The following POLR2F variants were observed in gnomAD, a reference collection of about 807,000 sequenced individuals.
The protein encoded by POLR2F is DNA-directed RNA polymerases I, II, and III subunit RPABC2.
A neutral mutation model predicts 22.7 loss-of-function variants in POLR2F; 12 were observed. The observed-to-expected ratio is 0.53, with a 90% CI of 0.34 to 0.86. The LOEUF (loss-of-function observed/expected upper bound fraction) is 0.86, where lower values mean the gene tolerates loss of function less well. POLR2F is among the 40% of genes least tolerant of loss of function. The pLI, the probability that POLR2F is intolerant of heterozygous loss-of-function variation, is 0.02. For synonymous variants in POLR2F, 57 were observed against 66.0 expected (o/e 0.86, Z 0.66); for missense variants, 126 against 171.5 (o/e 0.73, Z 1.48).
At chr22:37,987,362 A>G (rs1238201205) in intron 1 of POLR2F, 1 of 450,906 alleles carries the variant, frequency 2.2e-6, no homozygotes, top group Non-Finnish European at 4.5e-6. Flanking sequence ...TCAAACGTGA[A>G]GCCCACTGAT....
intron 5 of POLR2F, chr22:38,033,280 C>CG: frequency 6.6e-6 from 1 of 152,168 alleles, no homozygotes; most frequent in Non-Finnish European, 1.5e-5. Context: ...TTCAGGTGGA[C>CG]GGGGCATGGC....
intron 1 of POLR2F, among the ~76,000 whole-genome samples, chr22:38,007,687 C>T (rs910272654): frequency 1.2e-4 from 19 of 152,212 alleles, no homozygotes; most frequent in African/African-American, 4.6e-4. Context: ...CTTGCCTGGG[C>T]CCATCAGCAG....
chr22:37,968,432 A>G lies in POLR2F; in HGVS notation c.*717A>G, dbSNP rs1931943641. 1.0e-6 allele frequency: 1 copy of G among 985,614 alleles called. No homozygotes were observed. The highest frequency in any genetic ancestry group is 4.7e-5 in the South Asian group (1 of 21,294). The allele number at this position is 985,614 out of a possible 1,614,324, so 61.1% of individuals were successfully genotyped here. A position where few individuals can be genotyped will look rare whatever the true frequency, so the allele number is the denominator to read the frequency against. On this transcript the variant is annotated 3_prime_UTR_variant, in exon 5 of 5. Coordinates refer to ENST00000442738, the MANE Select transcript of POLR2F (RefSeq NM_021974.5). ...CCCATGCCTTCTTCCTAGCCTCTAT[A>G]AGATATCCTTTCCCTCCTATTTGGG...
intron 2 of POLR2F, 99 bp from the exon 3 acceptor site, chr22:37,959,247 G>A (rs1294147558): frequency 1.2e-5 from 15 of 1,240,450 alleles, no homozygotes; most frequent in East Asian, 9.3e-5. Context: ...AAGCATTAAC[G>A]GTGGCTGTAG....
At chr22:37,955,204 T>C (rs1931326148) in intron 1 of POLR2F, among the ~76,000 whole-genome samples, 1 of 101,232 alleles carries the variant, frequency 9.9e-6, no homozygotes, top group East Asian at 2.2e-4. Flanking sequence ...GAAATAAGGG[T>C]TTTTTTTTTT....
intron 1 of POLR2F, among the ~76,000 whole-genome samples, chr22:37,996,727 A>AC: frequency 6.6e-6 from 1 of 152,326 alleles, no homozygotes; most frequent in South Asian, 2.1e-4. Flanking sequence ...GGTGGGGCAC[A>AC]GCCCCTCTCT....
At chr22:38,024,377 G>A (rs1182052457) in intron 1 of POLR2F, among the ~76,000 whole-genome samples, 1 of 152,140 alleles carries the variant, frequency 6.6e-6, no homozygotes. Context: ...GGGCTATTAC[G>A]AATGATGCTG....
intron 5 of POLR2F, chr22:38,041,050 C>T (rs757697158): frequency 1.2e-6 from 2 of 1,612,810 alleles, no homozygotes; most frequent in South Asian, 2.2e-5. Flanking sequence ...CCGTAGTTAT[C>T]CCTGTGTTAT....
chr22:38,023,235 A>G (rs1482162584), intron 1 of POLR2F, among the ~76,000 whole-genome samples: 5 of 152,134 alleles, frequency 3.3e-5, no homozygotes, highest in Non-Finnish European at 7.4e-5. Flanking sequence ...GCATTTGTTT[A>G]TCAGCACACG....
intron 4 of POLR2F, chr22:37,977,787 AG>A: frequency 6.8e-7 from 1 of 1,463,808 alleles, no homozygotes; most frequent in Non-Finnish European, 9.3e-7. Context: ...CCTAGAGTCC[AG>A]GGTCTCATTG....
rs2084916097 is a variant in POLR2F at position 38,016,452 on chromosome 22, G to T, written c.121-9417G>T. Among the ~76,000 whole-genome samples, 1 of 152,228 alleles carries T rather than the reference G, an allele frequency of 6.6e-6. No homozygotes were observed. Among genetic ancestry groups the T allele is most frequent in the South Asian group, 2.1e-4 (1 of 4,834 alleles). On this transcript the variant is annotated intron_variant, in intron 1 of 2. Transcript: ENST00000333418. The surrounding 1 kb of genome is among the most constrained non-coding windows in gnomAD (Gnocchi z 4.4). ...AGAGAAGGGACCATTGTGTCCGAAG[G>T]GTTAACGAGGGATGTGAGGAAGGGG...
At position 37,969,071 on chromosome 22, in the gene POLR2F, T is replaced by C; in HGVS notation, c.*1356T>C. 2 of 985,388 alleles carry C rather than the reference T, an allele frequency of 2.0e-6. No individual in the cohort carries two copies. Among genetic ancestry groups the C allele is most frequent in the Non-Finnish European group, 2.4e-6 (2 of 829,954 alleles). The allele number at this position is 985,388 out of a possible 1,614,324, so 61.0% of individuals were successfully genotyped here. A position where few individuals can be genotyped will look rare whatever the true frequency, so the allele number is the denominator to read the frequency against. The stretch of plus-strand genomic sequence containing the variant: ...TTCTCGGCCCCATTTCTCTAAATGG[T>C]CTCTTTGTTCCCTGCTGGGCTGCTC... On this transcript the variant is annotated 3_prime_UTR_variant, in exon 5 of 5. Coordinates refer to ENST00000442738, the MANE Select transcript of POLR2F (RefSeq NM_021974.5).
intron 1 of POLR2F, among the ~76,000 whole-genome samples, chr22:38,006,564 A>G (rs1458431706): frequency 6.6e-6 from 1 of 152,228 alleles, no homozygotes; most frequent in African/African-American, 2.4e-5. Context: ...ACCTGCTCGC[A>G]CTAGTCCCCA....
intron 1 of POLR2F, among the ~76,000 whole-genome samples, chr22:38,007,694 G>T (rs1445291957): frequency 1.3e-5 from 2 of 152,232 alleles, no homozygotes; most frequent in Non-Finnish European, 2.9e-5. Flanking sequence ...GGGCCCATCA[G>T]CAGCAGCAGG....
intron 1 of POLR2F, among the ~76,000 whole-genome samples, chr22:38,007,764 C>T (rs1450618658): frequency 6.6e-6 from 1 of 152,226 alleles, no homozygotes; most frequent in Non-Finnish European, 1.5e-5. Context: ...GGAACTCACA[C>T]TAGTTGTGGT....
At chr22:38,038,347 TG>T (rs1186110843) in intron 5 of POLR2F, among the ~76,000 whole-genome samples, 1 of 151,920 alleles carries the variant, frequency 6.6e-6, no homozygotes, top group Non-Finnish European at 1.5e-5. Context: ...CCCCAGAGCT[TG>T]GAGCAAGCAG....
chr22:37,976,198 G>A (rs1348653843), intron 4 of POLR2F, among the ~76,000 whole-genome samples: 1 of 152,138 alleles, frequency 6.6e-6, no homozygotes, highest in South Asian at 2.1e-4. Context: ...ACTGCAGCCT[G>A]GGCAACAGAG....
At position 38,017,227 on chromosome 22, in the gene POLR2F, G is replaced by T. The variant is rs1381770519; in HGVS notation, c.121-8642G>T. On this transcript the variant is annotated intron_variant, in intron 1 of 2. Coordinates refer to the POLR2F transcript ENST00000333418. This position sits in a 1 kb window ranked among gnomAD's most constrained non-coding sequence, Gnocchi z 4.1. ...GCTGGGGAAGAAAGGCTCCTCTGGGGGTTTTGGAAATGATGACGTGCCCTT... is the reference window on the plus strand; with the variant it reads ...GCTGGGGAAGAAAGGCTCCTCTGGGTGTTTTGGAAATGATGACGTGCCCTT... Among the ~76,000 whole-genome samples, 1 of 152,224 alleles carries T rather than the reference G, an allele frequency of 6.6e-6. No individual in the cohort carries two copies. The highest frequency in any genetic ancestry group is 1.9e-4 in the East Asian group (1 of 5,200).
intron 1 of POLR2F, 42 bp downstream of exon 1, chr22:37,953,849 G>A: frequency 6.3e-7 from 1 of 1,599,928 alleles, no homozygotes; most frequent in African/African-American, 1.3e-5. Flanking sequence ...AACCTTGGAA[G>A]GGGCGGATGA....
Sources: allele counts gnomAD v4.1 joint callset (sites outside exome capture counted in the v4.1 genomes callset), GRCh38; gene constraint gnomAD v4.1.1; non-coding constraint Gnocchi (gnomAD v3.1); transcripts MANE v1.5; gene names NCBI Gene and HGNC (gene_info 2026-07-23, HGNC 2026-07-21).